C16orf46: variants seen among roughly 807,000 people sequenced by gnomAD.
C16orf46 encodes the protein uncharacterized protein C16orf46.
Under a neutral mutation model 5.5 loss-of-function variants are expected in C16orf46, and 7 were observed. That is an observed-to-expected ratio of 1.28 (90% CI 0.73 to 2.40). The LOEUF (loss-of-function observed/expected upper bound fraction) is 2.40. C16orf46 is among the 30% of genes most tolerant of loss of function. C16orf46 has a pLI of 0.00. For missense variants in C16orf46, 614 were observed against 476.0 expected, an observed-to-expected ratio of 1.29 and a Z score of -2.70; for synonymous variants, 200 against 184.1, an observed-to-expected ratio of 1.09 and a Z score of -0.70.
chr16:81,054,330 C>G (rs961961896), intron 3 of C16orf46, among the ~76,000 whole-genome samples: 1 of 151,342 alleles, frequency 6.6e-6, no homozygotes, highest in African/African-American at 2.4e-5. Context: ...AAAACGTGAG[C>G]CCACCGAAAT....
downstream of C16orf46, among the ~76,000 whole-genome samples, chr16:81,056,813 T>C (rs1467609970): frequency 1.3e-5 from 2 of 151,304 alleles, no homozygotes; most frequent in African/African-American, 2.4e-5. Context: ...GGAGAGCACA[T>C]ATGCCTTCTG....
intron 3 of C16orf46, among the ~76,000 whole-genome samples, chr16:81,054,384 T>C (rs1280380578): frequency 1.3e-5 from 2 of 152,210 alleles, no homozygotes; most frequent in African/African-American, 4.8e-5. Flanking sequence ...TGGCAAATTA[T>C]GCTTTAGGAA....
At chr16:81,053,640 C>G (rs1971210202) in exon 4 of C16orf46, 1 of 155,638 alleles carries the variant, frequency 6.4e-6, no homozygotes, top group African/African-American at 2.4e-5. Flanking sequence ...TCATACTTTA[C>G]TTGGAAGCAA....
In C16orf46 at chr16:81,061,153, G is replaced by A. The variant is rs115345346; in HGVS notation, c.*8C>T. ...GGTGCTTATTCCCAGGGGTTCTACC[G>A]CAACCGCTCAGAGGATCCTGTGGGT... On this transcript the variant is annotated 3_prime_UTR_variant, in exon 4 of 4. Coordinates refer to ENST00000299578, the MANE Select transcript of C16orf46 (RefSeq NM_152337.3). 785 of 1,585,988 alleles carry A rather than the reference G, an allele frequency of 4.9e-4. 3 individuals are homozygous for A. The African/African-American group carries it at 9.5e-3, about 19-fold the overall frequency.
intron 2 of C16orf46, among the ~76,000 whole-genome samples, chr16:81,064,924 G>C (rs913957795): frequency 5.9e-5 from 9 of 152,202 alleles, no homozygotes; most frequent in African/African-American, 1.9e-4. Flanking sequence ...CATTTCTGTT[G>C]TTTAAGCCAC....
At chr16:81,068,276 G>A (rs538863682) in intron 1 of C16orf46, among the ~76,000 whole-genome samples, 1 of 152,350 alleles carries the variant, frequency 6.6e-6, no homozygotes, top group African/African-American at 2.4e-5. Flanking sequence ...ACAGTCAACA[G>A]TAGAGGCATA....
At chr16:81,073,948 G>A (rs555488426) in intron 1 of C16orf46, among the ~76,000 whole-genome samples, 1 of 152,260 alleles carries the variant, frequency 6.6e-6, no homozygotes, top group Non-Finnish European at 1.5e-5. Flanking sequence ...AGAGAACAAA[G>A]CATCAACAGA....
chr16:81,054,073 A>AC lies in C16orf46; in HGVS notation c.1164dup (p.Ter389ValfsTer19). On this transcript the variant is annotated frameshift_variant, in exon 4 of 4. Coordinates refer to the C16orf46 transcript ENST00000378611. LOFTEE classifies it high-confidence loss of function. ...TGAATGTGAAACTGATCCCTCTCCT[A>AC]CTTTATCTTCTTTTTCCTGTGCTGT... is the stretch of plus-strand genomic sequence containing the variant. The AC allele has an allele frequency of 6.2e-7, 1 of 1,612,480 alleles. No homozygotes were observed. Among genetic ancestry groups the AC allele is most frequent in the African/African-American group, 1.3e-5 (1 of 74,956 alleles).
exon 4 of C16orf46, chr16:81,053,778 C>T (rs1278512215): frequency 3.2e-6 from 1 of 312,392 alleles, no homozygotes; most frequent in African/African-American, 2.1e-5. Context: ...TTGAAATTAT[C>T]TCCACGGTGA....
In C16orf46 at chr16:81,061,979, C is replaced by G; in HGVS notation, c.370G>C (p.Glu124Gln). Residue 124 changes from glutamate to glutamine, a missense_variant, in exon 4 of 4, where the codon GAG (glutamate) becomes CAG (glutamine). Physicochemically the swap from Glu to Gln is conservative, Grantham distance 29. Coordinates refer to ENST00000299578, the MANE Select transcript of C16orf46 (RefSeq NM_152337.3). ...QTKPPTEGGP[E>Q]KDQSSPSQTQ... ...TGGGAGGGGCTGCTCTGATCCTTCT[C>G]TGGGCCCCCCTCAGTAGGAGGCTTG... 1.9e-6 allele frequency: 3 copies of G among 1,614,178 alleles called. No homozygotes were observed. Among genetic ancestry groups the G allele is most frequent in the Non-Finnish European group, 2.5e-6 (3 of 1,180,042 alleles).
At chr16:81,057,034 G>A (rs1037677199), downstream of C16orf46, among the ~76,000 whole-genome samples, 21 of 152,034 alleles carry the variant, frequency 1.4e-4, no homozygotes, top group Admixed American at 3.9e-4. Flanking sequence ...TCATGACTGG[G>A]GATGGTATTG....
intron 2 of C16orf46, among the ~76,000 whole-genome samples, chr16:81,064,769 T>C (rs1345232125): frequency 8.8e-5 from 13 of 147,064 alleles, no homozygotes; most frequent in Admixed American, 8.8e-4. Context: ...AAAAAGAAGA[T>C]ATGAAGAGAC....
chr16:81,075,597 CAAAGA>C (rs1972011094), intron 1 of C16orf46, among the ~76,000 whole-genome samples: 1 of 152,078 alleles, frequency 6.6e-6, no homozygotes, highest in Non-Finnish European at 1.5e-5. Context: ...CAAAACAAAA[CAAAGA>C]AAATTCTGAA....
chr16:81,066,010 C>T (rs777483239), intron 2 of C16orf46, among the ~76,000 whole-genome samples, 183 bp downstream of exon 2: 4 of 151,828 alleles, frequency 2.6e-5, no homozygotes, highest in Non-Finnish European at 5.9e-5. Context: ...CTCAGCCTCC[C>T]GAGTAGCTGG....
intron 1 of C16orf46, chr16:81,070,052 G>C (rs1439765408): frequency 6.6e-6 from 1 of 152,126 alleles, no homozygotes; most frequent in Non-Finnish European, 1.5e-5. Context: ...TTGAACCCAA[G>C]AGGCGGAGCT....
intron 1 of C16orf46, 180 bp downstream of exon 1, chr16:81,076,956 C>T (rs889526122): frequency 5.9e-5 from 9 of 152,322 alleles, no homozygotes; most frequent in African/African-American, 2.2e-4. Context: ...CCCAACGGAT[C>T]CTCCTCAGGC....
At chr16:81,056,890 T>C (rs1971312512), downstream of C16orf46, among the ~76,000 whole-genome samples, 1 of 152,008 alleles carries the variant, frequency 6.6e-6, no homozygotes, top group African/African-American at 2.4e-5. Flanking sequence ...GCTTGATCTA[T>C]AAGTAAAGCT....
chr16:81,064,143 A>C (rs1971576905), intron 2 of C16orf46, 150 bp from the exon 3 acceptor site: 2 of 522,800 alleles, frequency 3.8e-6, no homozygotes, highest in Non-Finnish European at 6.8e-6. Context: ...AATTACTTTG[A>C]GAGGCCAAGT....
chr16:81,074,394 CT>C (rs60066332), intron 1 of C16orf46, among the ~76,000 whole-genome samples: 14 of 148,546 alleles, frequency 9.4e-5, no homozygotes, highest in Admixed American at 2.0e-4. Context: ...TTTTTTCTTT[CT>C]TTTTTTTTTA....
Sources: gnomAD v4.1 joint callset for allele counts (sites outside exome capture counted in the v4.1 genomes callset) on GRCh38, gnomAD v4.1.1 for gene constraint, MANE v1.5 for transcripts, NCBI Gene and HGNC (gene_info 2026-07-23, HGNC 2026-07-21) for gene names.